Variants in NRXN3 observed in about 807,000 individuals in gnomAD.
NRXN3 encodes neurexin III.
Under a neutral mutation model 137.6 loss-of-function variants are expected in NRXN3, and 32 were observed. The ratio of observed to expected loss-of-function variants is 0.23; its 90% CI spans 0.18 to 0.31. The LOEUF (loss-of-function observed/expected upper bound fraction) is 0.31. NRXN3 is among the 10% of genes least tolerant of loss of function. The probability of loss-of-function intolerance (pLI) is 1.00; values close to 1 mark genes in which losing one functional copy is unlikely to be tolerated. For synonymous variants in NRXN3, 798 were observed against 784.5 expected, an observed-to-expected ratio of 1.02 and a Z score of -0.29; for missense variants, 1,574 against 2,062.5, an observed-to-expected ratio of 0.76 and a Z score of 4.59.
In NRXN3 at chr14:79,244,696, C is replaced by T. The variant is rs558010645; in HGVS notation, c.3263-222525C>T. ...TGCTGAGGAGAGCTCATTAAGAAGA[C>T]CTTCCTGCAAACCCATTCTTTGCAC... On this transcript the variant is annotated intron_variant, in intron 15 of 20. Transcript: ENST00000335750. Among the ~76,000 whole-genome samples, 227 of 152,262 alleles carry T rather than the reference C, an allele frequency of 1.5e-3. 2 individuals carry two copies. The highest frequency in any genetic ancestry group is 5.1e-3 in the African/African-American group (210 of 41,560).
Position 79,586,560 on chromosome 14 carries a change from T to C in NRXN3, c.3445-77218T>C, listed in dbSNP as rs114199029. Among the ~76,000 whole-genome samples, 1,221 of 152,034 alleles carry C rather than the reference T, an allele frequency of 8.0e-3. 8 individuals are homozygous for C. Among genetic ancestry groups the C allele is most frequent in the African/African-American group, 0.028 (1,173 of 41,510 alleles). On this transcript the variant is annotated intron_variant, in intron 16 of 20. Transcript: ENST00000335750. ...GGAGTCTGATTTGGCCTGGCGGGTG[T>C]AGTGAAACATTAACTACACCCGCCT... is the stretch of plus-strand genomic sequence containing the variant.
intron 1 of NRXN3, among the ~76,000 whole-genome samples, chr14:78,223,053 G>A (rs59454468): frequency 0.03 from 4,527 of 152,272 alleles, 214 homozygotes; most frequent in African/African-American, 0.1. Context: ...ATATTAATCA[G>A]GATGACTAGG....
chr14:79,255,573 A>G (rs1360185868), intron 15 of NRXN3, among the ~76,000 whole-genome samples: 2 of 152,266 alleles, frequency 1.3e-5, no homozygotes, highest in African/African-American at 2.4e-5. Flanking sequence ...ATTAAATGAG[A>G]TAATTTAAAG....
intron 8 of NRXN3, among the ~76,000 whole-genome samples, chr14:78,789,403 C>T (rs1171826560): frequency 2.0e-5 from 3 of 152,082 alleles, no homozygotes; most frequent in African/African-American, 2.4e-5. Flanking sequence ...GTTGTCACGA[C>T]CAAAGGGAGT....
intron 4 of NRXN3, among the ~76,000 whole-genome samples, chr14:78,445,273 A>G (rs141333718): frequency 6.0e-4 from 91 of 152,320 alleles, no homozygotes; most frequent in Admixed American, 1.4e-3. Flanking sequence ...CCTGGGTCCT[A>G]GTTCTTGATC....
chr14:79,508,681 C>A (rs61995180), intron 16 of NRXN3, among the ~76,000 whole-genome samples: 48,175 of 151,408 alleles, frequency 0.32, 8,009 homozygotes, highest in Middle Eastern at 0.38. Context: ...TGTGAGCCAC[C>A]GCGCCTGGCC....
chr14:79,221,492 C>T (rs2069660516), intron 15 of NRXN3, among the ~76,000 whole-genome samples: 1 of 152,072 alleles, frequency 6.6e-6, no homozygotes, highest in African/African-American at 2.4e-5. Context: ...ATTTGCATTT[C>T]TCTAATGACC....
Position 79,412,892 on chromosome 14 carries a change from G to A in NRXN3, c.3263-54329G>A, listed in dbSNP as rs142600469. Among the ~76,000 whole-genome samples, 47 of 150,786 alleles carry A rather than the reference G, an allele frequency of 3.1e-4. 1 individual carries two copies. In the East Asian group the frequency reaches 9.3e-3, roughly 30 times the overall value. On this transcript the variant is annotated intron_variant, in intron 15 of 20. Transcript: ENST00000335750. Reference sequence around the variant, plus strand: ...ATACCAATAAAATGCATAGCAAGTTGACTATTCAAACCAAAAGGCCTCCAG... The same window carrying A: ...ATACCAATAAAATGCATAGCAAGTTAACTATTCAAACCAAAAGGCCTCCAG...
intron 15 of NRXN3, among the ~76,000 whole-genome samples, chr14:79,251,472 G>A (rs544594215): frequency 1.3e-5 from 2 of 152,258 alleles, no homozygotes; most frequent in Admixed American, 6.5e-5. Flanking sequence ...AGTATACAAC[G>A]TACAATAAGT....
At chr14:79,486,430 G>T (rs8005235) in intron 16 of NRXN3, among the ~76,000 whole-genome samples, 37,144 of 152,068 alleles carry the variant, frequency 0.24, 5,062 homozygotes, top group Non-Finnish European at 0.3. Flanking sequence ...ATTATTCCCT[G>T]AAGTTCCCAT....
intron 4 of NRXN3, among the ~76,000 whole-genome samples, chr14:78,638,558 G>A (rs1363893192): frequency 6.6e-6 from 1 of 152,172 alleles, no homozygotes; most frequent in Non-Finnish European, 1.5e-5. Context: ...ATGTCATTAA[G>A]TGTACAATAG....
At chr14:78,571,350 C>A (rs932468325) in intron 4 of NRXN3, among the ~76,000 whole-genome samples, 1 of 152,094 alleles carries the variant, frequency 6.6e-6, no homozygotes, top group Non-Finnish European at 1.5e-5. Flanking sequence ...CTGGCCATAT[C>A]TAATGACTGG....
intron 8 of NRXN3, among the ~76,000 whole-genome samples, chr14:78,743,054 G>A (rs1346043873): frequency 6.6e-6 from 1 of 152,106 alleles, no homozygotes; most frequent in Non-Finnish European, 1.5e-5. Context: ...TATATTGTCT[G>A]CTTTATGCAG....
intron 6 of NRXN3, among the ~76,000 whole-genome samples, chr14:78,687,719 G>A (rs1421148461): frequency 6.6e-6 from 1 of 152,198 alleles, no homozygotes; most frequent in Non-Finnish European, 1.5e-5. Flanking sequence ...GGTTGACATT[G>A]AAAAGGGATA....
rs936247173 is a variant in NRXN3 at position 78,611,720 on chromosome 14, C to T, written c.758-33400C>T. On this transcript the variant is annotated intron_variant, in intron 4 of 20. Coordinates refer to ENST00000335750, the MANE Select transcript of NRXN3 (RefSeq NM_001330195.2). Reference sequence around the variant, plus strand: ...CCTAGACAGGACTCTTTCCTTTCTACGACATGAAAAACTTCAGAGTCACCA... The same window carrying T: ...CCTAGACAGGACTCTTTCCTTTCTATGACATGAAAAACTTCAGAGTCACCA... Among the ~76,000 whole-genome samples, 7 of 152,134 alleles carry T rather than the reference C, an allele frequency of 4.6e-5. No individual in the cohort carries two copies. The South Asian group carries it at 1.0e-3, about 23-fold the overall frequency.
At position 79,284,343 on chromosome 14, in the gene NRXN3, CATATATATATATATATATATAT is replaced by C. The variant is rs60596302; in HGVS notation, c.3263-182857_3263-182836del. Among the ~76,000 whole-genome samples the C allele has an allele frequency of 9.8e-3, 636 of 65,108 alleles. 13 individuals carry two copies. The highest frequency in any genetic ancestry group is 0.021 in the East Asian group (40 of 1,936). 42.7% of individuals were successfully genotyped at this position (65,108 alleles called of 152,430 possible). A position where few individuals can be genotyped will look rare whatever the true frequency, so the allele number is the denominator to read the frequency against. On this transcript the variant is annotated intron_variant, in intron 15 of 20. Transcript: ENST00000335750. ...GGAAACCCCGTCTCTACTAAAAATA[CATATATATATATATATATATAT>C]ATATATATATATATATATATGTATC...
chr14:78,437,782 C>T lies in NRXN3; in HGVS notation c.757+139922C>T, dbSNP rs147840987. Reference sequence around the variant, plus strand: ...TCAATTAGACTTTTGGGGTCAGAGACCTGGGAATCTGCATTTTAATAAATT... The same window carrying T: ...TCAATTAGACTTTTGGGGTCAGAGATCTGGGAATCTGCATTTTAATAAATT... On this transcript the variant is annotated intron_variant, in intron 4 of 20. Coordinates refer to ENST00000335750, the MANE Select transcript of NRXN3 (RefSeq NM_001330195.2). Among the ~76,000 whole-genome samples the T allele has an allele frequency of 3.1e-3, 472 of 152,264 alleles. 4 individuals are homozygous for T. The highest frequency in any genetic ancestry group is 0.011 in the African/African-American group (451 of 41,550).
chr14:79,465,659 CT>C (rs2096411698), intron 15 of NRXN3, among the ~76,000 whole-genome samples: 1 of 152,208 alleles, frequency 6.6e-6, no homozygotes, highest in African/African-American at 2.4e-5. Context: ...CTAATATTCT[CT>C]GTAAACTAGC....
At chr14:78,689,018 A>AAGGGGATAGT (rs2098146502) in intron 6 of NRXN3, among the ~76,000 whole-genome samples, 1 of 152,050 alleles carries the variant, frequency 6.6e-6, no homozygotes, top group Non-Finnish European at 1.5e-5. Flanking sequence ...GCCAAATTTG[A>AAGGGGATAGT]AGGGGATAGT....
Sources: gnomAD v4.1 joint callset for allele counts (sites outside exome capture counted in the v4.1 genomes callset) on GRCh38, gnomAD v4.1.1 for gene constraint, MANE v1.5 for transcripts, NCBI Gene and HGNC (gene_info 2026-07-23, HGNC 2026-07-21) for gene names.